The following CACNB1 variants were observed in gnomAD, a reference collection of about 807,000 sequenced individuals.
The protein encoded by CACNB1 is calcium voltage-gated channel auxiliary subunit beta 1, also known as voltage-dependent L-type calcium channel subunit beta-1.
A neutral mutation model predicts 71.6 loss-of-function variants in CACNB1; 29 were observed. The ratio of observed to expected loss-of-function variants is 0.40; its 90% confidence interval spans 0.30 to 0.55. The LOEUF is 0.55. Among genes scored for constraint, CACNB1 ranks in the 20% least tolerant of loss-of-function variants. The pLI, the probability that CACNB1 is intolerant of heterozygous loss-of-function variation, is 0.38. For missense variants in CACNB1, 623 were observed against 801.8 expected, an observed-to-expected ratio of 0.78 and a Z score of 2.69; for synonymous variants, 300 against 319.6, an observed-to-expected ratio of 0.94 and a Z score of 0.65.
chr17:39,175,790 G>GC lies in CACNB1; in HGVS notation c.1333-134dup. ...AGAGGGTGCTGGCTCTAGAGGAGGG[G>GC]CCCCGGGGACAAACGGCTCTGGAGC... On this transcript the variant is annotated intron_variant, in intron 13 of 13. Coordinates refer to ENST00000394303, the MANE Select transcript of CACNB1 (RefSeq NM_000723.5). This position sits in a 1 kb window ranked among gnomAD's most constrained non-coding sequence, Gnocchi z 4.7. 1.4e-6 allele frequency: 1 copy of GC among 732,498 alleles called. No homozygotes were observed. Among genetic ancestry groups the GC allele is most frequent in the Non-Finnish European group, 2.2e-6 (1 of 460,860 alleles). The allele number at this position is 732,498 out of a possible 1,614,324, so 45.4% of individuals were successfully genotyped here.
chr17:39,177,864 C>T, intron 12 of CACNB1, 120 bp downstream of exon 12: 1 of 807,656 alleles, frequency 1.2e-6, no homozygotes. Context: ...GAAGACCAGT[C>T]TGCACCCACA....
intron 11 of CACNB1, among the ~76,000 whole-genome samples, chr17:39,181,577 T>C (rs746772370): frequency 3.2e-4 from 48 of 152,190 alleles, no homozygotes; most frequent in Non-Finnish European, 6.6e-4. Context: ...GTCCCTCCTC[T>C]TAACCTCAGT....
chr17:39,181,530 G>A (rs1302925257), intron 11 of CACNB1, among the ~76,000 whole-genome samples: 1 of 152,228 alleles, frequency 6.6e-6, no homozygotes, highest in Non-Finnish European at 1.5e-5. Flanking sequence ...GTAAGTGACA[G>A]CCCTGGAGTA....
intron 2 of CACNB1, chr17:39,193,794 T>C (rs2046146383): frequency 1.0e-5 from 2 of 197,210 alleles, no homozygotes; most frequent in African/African-American, 2.4e-5. Flanking sequence ...GCCCTGGCCA[T>C]GTCCTGCAAC....
rs1451989910 is a variant in CACNB1, at chr17:39,194,191, C to T, written c.171+693G>A. On this transcript the variant is annotated intron_variant, in intron 2 of 13. Transcript: ENST00000394303. This position sits in a 1 kb window ranked among gnomAD's most constrained non-coding sequence, Gnocchi z 4.6. ...CTAAGTAGTCATAGCAACCACATGC[C>T]TCTCTCAGTCCCTCACCCTGAGCCT... is the stretch of plus-strand genomic sequence containing the variant. 4.6e-5 allele frequency among the ~76,000 whole-genome samples: 7 copies of T among 152,160 alleles called. No homozygotes were observed. The highest frequency in any genetic ancestry group is 7.2e-5 in the African/African-American group (3 of 41,420).
chr17:39,194,023 A>AG lies in CACNB1; in HGVS notation c.171+860dup, dbSNP rs1313277721. On this transcript the variant is annotated intron_variant, in intron 2 of 13. Coordinates refer to ENST00000394303, the MANE Select transcript of CACNB1 (RefSeq NM_000723.5). The surrounding 1 kb of genome is among the most constrained non-coding windows in gnomAD (Gnocchi z 4.6). ...TCGCTCCTGGCCCAAGGTGGAAGGG[A>AG]GGGGCTCATCTCCAGAGGACCCCTC... The AG allele has an allele frequency of 6.6e-6, 1 of 152,492 alleles. No individual in the cohort carries two copies. The highest frequency in any genetic ancestry group is 1.5e-5 in the Non-Finnish European group (1 of 68,290). The allele number at this position is 152,492 out of a possible 1,614,324, so 9.4% of individuals were successfully genotyped here.
chr17:39,185,556 G>GC (rs61295679), intron 6 of CACNB1, among the ~76,000 whole-genome samples: 1,550 of 149,934 alleles, frequency 0.01, 26 homozygotes, highest in African/African-American at 0.029. Context: ...GCAGCCAGCA[G>GC]CCCCCCCCCA....
In CACNB1 at chr17:39,186,121, GGA is replaced by G. The variant is rs558303095; in HGVS notation, c.628+373_628+374del. 8.7e-6 allele frequency: 14 copies of G among 1,612,118 alleles called. No homozygotes were observed. In the South Asian group the frequency reaches 1.5e-4, roughly 18 times the overall value. ...TTTCATTACCTGGACCGGAGAGTCA[GGA>G]GAGAGGGAGGAGGGAGGCGAGGTGG... is the stretch of plus-strand genomic sequence containing the variant. On this transcript the variant is annotated intron_variant, in intron 6 of 13. Transcript: ENST00000394303. The surrounding 1 kb of genome is among the most constrained non-coding windows in gnomAD (Gnocchi z 4.1).
intron 11 of CACNB1, among the ~76,000 whole-genome samples, chr17:39,183,337 A>AAAGAAGAAGAAGAAGAAGAAGAAGAAG (rs35982951): frequency 5.4e-5 from 7 of 130,288 alleles, no homozygotes; most frequent in East Asian, 2.1e-4. Context: ...GACTTAAAAA[A>AAAGAAGAAGAAGAAGAAGAAGAAGAAG]AAGAAGAAGA....
chr17:39,192,046 G>A (rs1040789119), intron 2 of CACNB1: 3 of 185,410 alleles, frequency 1.6e-5, no homozygotes, highest in South Asian at 1.0e-4. Flanking sequence ...ACTATCAGCC[G>A]TGGACGGCCT....
In CACNB1 at chr17:39,178,384, T is replaced by C. The variant is rs200359382; in HGVS notation, c.1051-305A>G. ...AGGCCCGCCCACTCTCCTTTTTTTT[T>C]GTTTTTTTTTTTTTAAATTTTAGAG... is the stretch of plus-strand genomic sequence containing the variant. On this transcript the variant is annotated intron_variant, in intron 11 of 13. Transcript: ENST00000394303. 1.8e-5 allele frequency: 4 copies of C among 217,834 alleles called. No homozygotes were observed. The East Asian group carries it at 4.0e-4, about 22-fold the overall frequency. 13.5% of individuals were successfully genotyped at this position (217,834 alleles called of 1,614,324 possible).
chr17:39,183,968 ACCTCCCACC>A (rs1200981161), intron 10 of CACNB1, 54 bp downstream of exon 10: 5 of 1,538,438 alleles, frequency 3.3e-6, no homozygotes, highest in Admixed American at 3.4e-5. Flanking sequence ...TACCTCCCAC[ACCTCCCACC>A]CCTCCCACAT....
intron 11 of CACNB1, among the ~76,000 whole-genome samples, chr17:39,181,785 G>C (rs2144109001): frequency 6.6e-6 from 1 of 152,314 alleles, no homozygotes; most frequent in South Asian, 2.1e-4. Context: ...GGGAGGCTGA[G>C]GCAGGAGAAA....
chr17:39,177,375 C>A lies in CACNB1; in HGVS notation c.1307G>T (p.Ser436Ile), dbSNP rs1454774440. 1 of 1,613,364 alleles carries A rather than the reference C, an allele frequency of 6.2e-7. No individual in the cohort carries two copies. Reference sequence around the variant, plus strand: ...CTGGAGGTTGGAGACAGGGGCAGGGCTGGCAGCCAGGGCTGCGGTAGCCAT... The same window carrying A: ...CTGGAGGTTGGAGACAGGGGCAGGGATGGCAGCCAGGGCTGCGGTAGCCAT... ...RTMATAALAASPAPVSNLQGP... is the reference protein window; with the variant it reads ...RTMATAALAAIPAPVSNLQGP... The change falls in exon 13 of 14, where the codon AGC becomes ATC. Residue 436 changes from serine (S) to isoleucine (I), a missense_variant. Physicochemically the swap from Ser to Ile is moderately radical, Grantham distance 142. Transcript: ENST00000394303.
intron 11 of CACNB1, among the ~76,000 whole-genome samples, chr17:39,178,626 A>G (rs1444636598): frequency 6.6e-6 from 1 of 151,962 alleles, no homozygotes; most frequent in African/African-American, 2.4e-5. Context: ...CAAGTGATCC[A>G]CTTGCCTCAG....
intron 3 of CACNB1, among the ~76,000 whole-genome samples, chr17:39,189,510 T>G (rs1255015470): frequency 6.6e-6 from 1 of 151,846 alleles, no homozygotes; most frequent in Non-Finnish European, 1.5e-5. Context: ...TGTTTTGTTT[T>G]GTTTTGAGAT....
rs766320294 is a variant in CACNB1, at chr17:39,184,094, A to G, written c.835T>C (p.Ser279Pro). Reference sequence around the variant, plus strand: ...TGTTTGCTGGGGTTGTTGAGAACTGAGCGCTTAGCCAGGGAAATATCTGCC... The same window carrying G: ...TGTTTGCTGGGGTTGTTGAGAACTGGGCGCTTAGCCAGGGAAATATCTGCC... ...VTADISLAKR[S>P]VLNNPSKHII... The change falls in exon 10 of 14, where the codon TCA (serine) becomes CCA (proline). Residue 279 changes from serine to proline, a missense_variant. Coordinates refer to ENST00000394303, the MANE Select transcript of CACNB1 (RefSeq NM_000723.5). The G allele has an allele frequency of 1.2e-6, 2 of 1,613,392 alleles. No homozygotes were observed. Among genetic ancestry groups the G allele is most frequent in the African/African-American group, 1.3e-5 (1 of 74,730 alleles).
At position 39,177,970 on chromosome 17, in the gene CACNB1, A is replaced by T; in HGVS notation, c.1146+14T>A. The T allele has an allele frequency of 6.3e-7, 1 of 1,597,178 alleles. No individual in the cohort carries two copies. The highest frequency in any genetic ancestry group is 8.6e-7 in the Non-Finnish European group (1 of 1,164,556). Reference sequence around the variant, plus strand: ...TTCTCCCTCCATTCCCTTCCCTGGGATCTAGGCACTCACAGGGGGGCACTG... The same window carrying T: ...TTCTCCCTCCATTCCCTTCCCTGGGTTCTAGGCACTCACAGGGGGGCACTG... On this transcript the variant is annotated intron_variant, in intron 12 of 13. Coordinates refer to ENST00000394303, the MANE Select transcript of CACNB1 (RefSeq NM_000723.5).
intron 11 of CACNB1, among the ~76,000 whole-genome samples, chr17:39,181,085 T>G (rs1305478137): frequency 1.5e-4 from 23 of 152,080 alleles, no homozygotes; most frequent in Admixed American, 1.5e-3. Flanking sequence ...CAAGCGTTTA[T>G]TTTTATTTAT....
Sources: allele counts gnomAD v4.1 joint callset (sites outside exome capture counted in the v4.1 genomes callset), GRCh38; gene constraint gnomAD v4.1.1; non-coding constraint Gnocchi (gnomAD v3.1); transcripts MANE v1.5; gene names NCBI Gene and HGNC (gene_info 2026-07-23, HGNC 2026-07-21).